Variants in ZNF717 observed in about 807,000 individuals in gnomAD.
ZNF717 encodes the protein krueppel-like factor X17.
A neutral mutation model predicts 13.8 loss-of-function variants in ZNF717; 9 were observed. The observed-to-expected ratio is 0.65, with a 90% CI of 0.39 to 1.14. The LOEUF (loss-of-function observed/expected upper bound fraction) is 1.14. Ranked by LOEUF, ZNF717 falls within the 50% of genes most tolerant of loss-of-function variation. The pLI is 0.01. For synonymous variants in ZNF717, 327 were observed against 364.1 expected (o/e 0.90, Z 1.16); for missense variants, 1,040 against 1,080.7 (o/e 0.96, Z 0.53).
chr3:75,768,617 C>G (rs900263721), intron 2 of ZNF717, among the ~76,000 whole-genome samples: 1 of 147,170 alleles, frequency 6.8e-6, no homozygotes, highest in Non-Finnish European at 1.5e-5. Context: ...GGGTAGATGA[C>G]AGCCCACCAC....
chr3:75,746,944 T>C (rs1180275069), intron 2 of ZNF717, among the ~76,000 whole-genome samples: 1 of 152,218 alleles, frequency 6.6e-6, no homozygotes, highest in African/African-American at 2.4e-5. Context: ...TGCCCATGCC[T>C]ATGTCTTGAA....
downstream of ZNF717, among the ~76,000 whole-genome samples, chr3:75,729,584 C>T (rs1202350897): frequency 2.9e-4 from 40 of 136,922 alleles, no homozygotes; most frequent in East Asian, 2.9e-3. Flanking sequence ...CATTGCACTC[C>T]AGCCTGGGTG....
At chr3:75,715,311 G>T (rs369604540) in intron 5 of ZNF717, among the ~76,000 whole-genome samples, 1 of 152,200 alleles carries the variant, frequency 6.6e-6, no homozygotes, top group East Asian at 1.9e-4. Context: ...CTGTTTGCCA[G>T]TGTGATTTGC....
intron 6 of ZNF717, among the ~76,000 whole-genome samples, chr3:75,699,000 T>G (rs71249004): frequency 6.8e-6 from 1 of 146,610 alleles, no homozygotes; most frequent in Admixed American, 6.7e-5. Flanking sequence ...TAGTGTGCCC[T>G]GAAAATGGGA....
chr3:75,745,698 G>C (rs1160766631), intron 2 of ZNF717, among the ~76,000 whole-genome samples: 2 of 151,904 alleles, frequency 1.3e-5, no homozygotes, highest in South Asian at 4.1e-4. Context: ...TATACCAGTA[G>C]GAGTCATGTC....
chr3:75,755,993 T>C (rs1246407026), intron 2 of ZNF717, among the ~76,000 whole-genome samples: 2 of 47,476 alleles, frequency 4.2e-5, no homozygotes, highest in Non-Finnish European at 7.1e-5. Flanking sequence ...ACTTGCTTTA[T>C]TGTGATTTGT....
chr3:75,767,257 G>A (rs1052418664), intron 2 of ZNF717, among the ~76,000 whole-genome samples: 12 of 152,202 alleles, frequency 7.9e-5, no homozygotes, highest in Non-Finnish European at 7.3e-5. Flanking sequence ...CCAACAACTA[G>A]TGAGCCACCC....
At chr3:75,768,365 G>T (rs978345343) in intron 2 of ZNF717, among the ~76,000 whole-genome samples, 22 of 122,562 alleles carry the variant, frequency 1.8e-4, no homozygotes, top group African/African-American at 4.3e-4. Context: ...GAGTGTGGGG[G>T]GGGGGGGTAG....
Position 75,738,012 on chromosome 3 carries a change from A to C in ZNF717, c.1611T>G (p.Cys537Trp). The C allele has an allele frequency of 7.4e-7, 1 of 1,344,002 alleles. No homozygotes were observed. Among genetic ancestry groups the C allele is most frequent in the South Asian group, 1.4e-5 (1 of 69,028 alleles). 83.3% of individuals were successfully genotyped at this position (1,344,002 alleles called of 1,614,324 possible). Reference sequence around the variant, plus strand: ...GGCTATATGTTTTTCCACATTCGTTACATGCGTATGGTTTTTCCCCAGCAT... The same window carrying C: ...GGCTATATGTTTTTCCACATTCGTTCCATGCGTATGGTTTTTCCCCAGCAT... Reference protein sequence around the residue: ...RTHAGEKPYACNECGKTYSHK... With the variant: ...RTHAGEKPYAWNECGKTYSHK... Residue 537 changes from cysteine to tryptophan, a missense_variant, in exon 5 of 5, where the codon TGT becomes TGG. By Grantham distance (215) the Cys-to-Trp change is radical. Transcript: ENST00000652011.
chr3:75,760,037 CTTT>C (rs563141421), intron 2 of ZNF717, among the ~76,000 whole-genome samples: 2 of 150,910 alleles, frequency 1.3e-5, no homozygotes, highest in East Asian at 3.9e-4. Flanking sequence ...TTTCTTTCTT[CTTT>C]TTTTTTGAGA....
chr3:75,713,411 G>A (rs79784537), intron 5 of ZNF717, among the ~76,000 whole-genome samples: 14 of 151,832 alleles, frequency 9.2e-5, no homozygotes, highest in East Asian at 3.9e-4. Context: ...TCGGCCTCAC[G>A]AAGTGCTGGG....
chr3:75,719,276 C>A (rs1165958651), intron 4 of ZNF717, among the ~76,000 whole-genome samples: 19 of 137,126 alleles, frequency 1.4e-4, no homozygotes, highest in Non-Finnish European at 2.8e-4. Flanking sequence ...TAGAGTGTCA[C>A]CCTGTCTCAA....
chr3:75,761,986 G>A (rs568610523), intron 2 of ZNF717, among the ~76,000 whole-genome samples: 1 of 152,184 alleles, frequency 6.6e-6, no homozygotes, highest in East Asian at 1.9e-4. Context: ...CTTGGAAGGT[G>A]GAGGTTGCAG....
chr3:75,766,543 T>G (rs1331866012), intron 2 of ZNF717, among the ~76,000 whole-genome samples: 3 of 152,174 alleles, frequency 2.0e-5, no homozygotes, highest in African/African-American at 4.8e-5. Flanking sequence ...TCAAAGTACG[T>G]GAATCAAAAA....
intron 6 of ZNF717, among the ~76,000 whole-genome samples, chr3:75,702,917 T>C (rs1217678777): frequency 6.6e-6 from 1 of 152,310 alleles, no homozygotes; most frequent in Non-Finnish European, 1.5e-5. Context: ...AAAATTTATT[T>C]TTAGTTTATA....
chr3:75,716,148 T>TG (rs1938046349), intron 5 of ZNF717, among the ~76,000 whole-genome samples: 1 of 151,222 alleles, frequency 6.6e-6, no homozygotes, highest in African/African-American at 2.4e-5. Context: ...TTTTTTTTTT[T>TG]TTTTTGTATT....
chr3:75,761,773 C>T (rs914859833), intron 2 of ZNF717, among the ~76,000 whole-genome samples: 6 of 152,242 alleles, frequency 3.9e-5, no homozygotes, highest in Non-Finnish European at 8.8e-5. Flanking sequence ...TGCAGTGGCT[C>T]ACGCTTATAA....
At chr3:75,724,694 A>G (rs1325958621) in intron 4 of ZNF717, among the ~76,000 whole-genome samples, 5 of 148,656 alleles carry the variant, frequency 3.4e-5, no homozygotes, top group Non-Finnish European at 7.5e-5. Flanking sequence ...TATTTAAGCA[A>G]CCACGTGAGT....
rs1327417425 is a variant in ZNF717, at chr3:75,785,368, G to GGTCC, written c.-3+12_-3+15dup. 1 of 154,034 alleles carries GGTCC rather than the reference G, an allele frequency of 6.5e-6. No individual in the cohort carries two copies. The highest frequency in any genetic ancestry group is 2.4e-5 in the African/African-American group (1 of 41,484). 9.5% of individuals were successfully genotyped at this position (154,034 alleles called of 1,614,324 possible). The stretch of plus-strand genomic sequence containing the variant: ...CGCCTGTCCTCCCAGCCCCCGCCAG[G>GGTCC]GTCCGCGGCCTGCACCTGCACTTCA... On this transcript the variant is annotated intron_variant, in intron 1 of 4. Coordinates refer to ENST00000652011, the MANE Select transcript of ZNF717 (RefSeq NM_001290208.3).
Sources: allele counts gnomAD v4.1 joint callset (sites outside exome capture counted in the v4.1 genomes callset), GRCh38; gene constraint gnomAD v4.1.1; transcripts MANE v1.5; gene names NCBI Gene and HGNC (gene_info 2026-07-23, HGNC 2026-07-21).